The following BARX2 variants were observed in gnomAD, a reference collection of about 807,000 sequenced individuals.
BARX2 encodes BARX homeobox 2.
In BARX2, 11 loss-of-function variants were observed where a neutral mutation model predicts 25.5. The ratio of observed to expected loss-of-function variants is 0.43; its 90% CI spans 0.27 to 0.71. The LOEUF (loss-of-function observed/expected upper bound fraction) is 0.71, where lower values mean the gene tolerates loss of function less well. Ranked by LOEUF, BARX2 falls within the 30% of genes least tolerant of loss-of-function variation. The probability of loss-of-function intolerance (pLI) is 0.19; values close to 1 mark genes in which losing one functional copy is unlikely to be tolerated. For missense variants in BARX2, 360 were observed against 359.9 expected, an observed-to-expected ratio of 1.00 and a Z score of 0.00; for synonymous variants, 137 against 149.5, an observed-to-expected ratio of 0.92 and a Z score of 0.61.
intron 1 of BARX2, among the ~76,000 whole-genome samples, chr11:129,398,311 A>G (rs1362450312): frequency 6.6e-6 from 1 of 152,174 alleles, no homozygotes; most frequent in African/African-American, 2.4e-5. Flanking sequence ...GTGTTTTACC[A>G]GGAAAAGAGG....
At chr11:129,381,108 G>A (rs1198175245) in intron 1 of BARX2, among the ~76,000 whole-genome samples, 1 of 152,144 alleles carries the variant, frequency 6.6e-6, no homozygotes, top group Admixed American at 6.5e-5. Flanking sequence ...TAGTTCATTA[G>A]CGGTGTCTTC....
chr11:129,446,492 T>C (rs1489665345), intron 3 of BARX2, among the ~76,000 whole-genome samples: 1 of 152,190 alleles, frequency 6.6e-6, no homozygotes, highest in Non-Finnish European at 1.5e-5. Context: ...CTAATCTCTG[T>C]AAAACACGTA....
chr11:129,386,182 C>A lies in BARX2; in HGVS notation c.187+9960C>A, dbSNP rs560496908. 2.0e-5 allele frequency among the ~76,000 whole-genome samples: 3 copies of A among 152,282 alleles called. No homozygotes were observed. The South Asian group carries it at 6.2e-4, about 32-fold the overall frequency. ...AAGGATGACTAGTGAAGTATTTGGTCCCCCAGTCGTGCAAGAGAGAGTTGT... is the reference window on the plus strand; with the variant it reads ...AAGGATGACTAGTGAAGTATTTGGTACCCCAGTCGTGCAAGAGAGAGTTGT... On this transcript the variant is annotated intron_variant, in intron 1 of 3. Coordinates refer to ENST00000281437, the MANE Select transcript of BARX2 (RefSeq NM_003658.5).
Position 129,436,640 on chromosome 11 carries a change from A to C in BARX2, c.188-111A>C. Reference sequence around the variant, plus strand: ...CCCTTCCTCCATCTGTACCTCCTTAAGAGCAGGGCCCTCCCTGTCAGACAG... The same window carrying C: ...CCCTTCCTCCATCTGTACCTCCTTACGAGCAGGGCCCTCCCTGTCAGACAG... On this transcript the variant is annotated intron_variant, in intron 1 of 3. Transcript: ENST00000281437. The surrounding 1 kb of genome is among the most constrained non-coding windows in gnomAD (Gnocchi z 4.5). 8.2e-7 allele frequency: 1 copy of C among 1,226,352 alleles called. No homozygotes were observed. The highest frequency in any genetic ancestry group is 1.1e-6 in the Non-Finnish European group (1 of 886,284). 76.0% of individuals were successfully genotyped at this position (1,226,352 alleles called of 1,614,324 possible). A position where few individuals can be genotyped will look rare whatever the true frequency, so the allele number is the denominator to read the frequency against.
At chr11:129,400,704 C>A (rs973255118) in intron 1 of BARX2, among the ~76,000 whole-genome samples, 5 of 152,070 alleles carry the variant, frequency 3.3e-5, no homozygotes, top group Non-Finnish European at 7.4e-5. Context: ...TGGAGGATGA[C>A]GTTGACAGGG....
intron 1 of BARX2, among the ~76,000 whole-genome samples, chr11:129,408,139 G>A (rs1443398645): frequency 6.6e-6 from 1 of 152,024 alleles, no homozygotes; most frequent in East Asian, 1.9e-4. Flanking sequence ...AAGGCCTGGG[G>A]CATTTGGGGG....
chr11:129,426,671 C>T (rs1227506028), intron 1 of BARX2, among the ~76,000 whole-genome samples: 2 of 152,194 alleles, frequency 1.3e-5, no homozygotes, highest in Non-Finnish European at 2.9e-5. Flanking sequence ...GCCACCACAC[C>T]TGGCCCCGCT....
intron 1 of BARX2, among the ~76,000 whole-genome samples, chr11:129,397,808 G>C (rs975394117): frequency 6.6e-6 from 1 of 152,212 alleles, no homozygotes; most frequent in African/African-American, 2.4e-5. Context: ...GTTGGTGAGG[G>C]CCCAGGGAGG....
chr11:129,434,149 C>G (rs1026698594), intron 1 of BARX2, among the ~76,000 whole-genome samples: 2 of 151,618 alleles, frequency 1.3e-5, no homozygotes, highest in Admixed American at 1.3e-4. Flanking sequence ...AAGAATAATA[C>G]AAATGATTTT....
chr11:129,444,226 GAA>G (rs1164667307), intron 3 of BARX2, among the ~76,000 whole-genome samples: 6 of 143,432 alleles, frequency 4.2e-5, no homozygotes, highest in African/African-American at 1.5e-4. Context: ...ACAATGAGGA[GAA>G]AAAAAAAAAC....
chr11:129,430,073 A>G (rs1862112256), intron 1 of BARX2, among the ~76,000 whole-genome samples: 1 of 151,674 alleles, frequency 6.6e-6, no homozygotes, highest in Admixed American at 6.6e-5. Context: ...AGCCCTTGGG[A>G]AGGGTAGTTT....
rs765388237 is a variant in BARX2, at chr11:129,376,260, G to C, written c.187+38G>C. The C allele has an allele frequency of 1.9e-6, 3 of 1,561,118 alleles. No individual in the cohort carries two copies. The South Asian group carries it at 3.5e-5, about 18-fold the overall frequency. ...GCTAGGGGATAAGTGGGGTTCGGTAGCTTTCACGTCCGTGTAGGTGGCCTG... is the reference window on the plus strand; with the variant it reads ...GCTAGGGGATAAGTGGGGTTCGGTACCTTTCACGTCCGTGTAGGTGGCCTG... On this transcript the variant is annotated intron_variant, in intron 1 of 3. Coordinates refer to ENST00000281437, the MANE Select transcript of BARX2 (RefSeq NM_003658.5). The surrounding 1 kb of genome is among the most constrained non-coding windows in gnomAD (Gnocchi z 4.2).
At chr11:129,426,800 ATTT>A (rs10596885) in intron 1 of BARX2, among the ~76,000 whole-genome samples, 1 of 146,244 alleles carries the variant, frequency 6.8e-6, no homozygotes, top group Non-Finnish European at 1.5e-5. Flanking sequence ...TTTTCTGTGG[ATTT>A]TTTTTTTTTT....
chr11:129,440,795 G>A (rs767887930), intron 2 of BARX2, among the ~76,000 whole-genome samples: 2 of 152,182 alleles, frequency 1.3e-5, no homozygotes, highest in African/African-American at 2.4e-5. Flanking sequence ...ATCTCCCCAG[G>A]TGGAGAGCTG....
intron 1 of BARX2, among the ~76,000 whole-genome samples, chr11:129,409,354 G>T (rs758900302): frequency 7.9e-5 from 12 of 151,840 alleles, no homozygotes; most frequent in Non-Finnish European, 1.6e-4. Context: ...TCTTCAGTGT[G>T]TTTTTTTTAA....
intron 1 of BARX2, among the ~76,000 whole-genome samples, chr11:129,407,090 C>CT (rs11413106): frequency 0.15 from 23,185 of 152,070 alleles, 2,228 homozygotes; most frequent in East Asian, 0.42. Flanking sequence ...CTACAGCTTG[C>CT]GAATGGGACC....
At chr11:129,427,042 C>T (rs139122161) in intron 1 of BARX2, among the ~76,000 whole-genome samples, 198 of 152,246 alleles carry the variant, frequency 1.3e-3, no homozygotes, top group African/African-American at 4.5e-3. Flanking sequence ...TAAGAAGATA[C>T]GTATGCATGC....
Position 129,376,125 on chromosome 11 carries a change from C to G in BARX2, c.90C>G (p.Ile30Met). The G allele has an allele frequency of 6.2e-7, 1 of 1,613,392 alleles. No homozygotes were observed. Among genetic ancestry groups the G allele is most frequent in the Non-Finnish European group, 8.5e-7 (1 of 1,179,698 alleles). ...RRYKTFMIDE[I>M]LSKETCDYFE... is the part of the protein sequence containing the mutation. ...ACAAGACTTTCATGATCGACGAGATCCTCTCCAAGGAGACCTGCGATTACT... is the reference window on the plus strand; with the variant it reads ...ACAAGACTTTCATGATCGACGAGATGCTCTCCAAGGAGACCTGCGATTACT... Residue 30 changes from isoleucine (I) to methionine (M), a missense_variant, in exon 1 of 4, where the codon ATC (isoleucine) becomes ATG (methionine). Physicochemically the swap from Ile to Met is conservative, Grantham distance 10. This residue lies in a region of BARX2 where 240 missense variants were observed against 228.7 expected (regional missense o/e 1.05). Transcript: ENST00000281437. This position sits in a 1 kb window ranked among gnomAD's most constrained non-coding sequence, Gnocchi z 4.2.
chr11:129,375,486 T>C (rs1861490224), upstream of BARX2, among the ~76,000 whole-genome samples: 1 of 151,986 alleles, frequency 6.6e-6, no homozygotes, highest in African/African-American at 2.4e-5. This position sits in a 1 kb window ranked among gnomAD's most constrained non-coding sequence, Gnocchi z 4.0. Flanking sequence ...TGGGGAACAC[T>C]GCCCCGGGGA....
Sources: gnomAD v4.1 joint callset for allele counts (sites outside exome capture counted in the v4.1 genomes callset) on GRCh38, gnomAD v4.1.1 for gene constraint, gnomAD v4.1.1 regional missense constraint, Gnocchi (gnomAD v3.1) non-coding constraint, MANE v1.5 for transcripts, NCBI Gene and HGNC (gene_info 2026-07-23, HGNC 2026-07-21) for gene names.